Variants in ABL2 observed in about 807,000 individuals in gnomAD.
ABL2 encodes the protein tyrosine-protein kinase ABL2.
Under a neutral mutation model 107.7 loss-of-function variants are expected in ABL2, and 49 were observed. The observed-to-expected ratio is 0.45, with a 90% CI of 0.36 to 0.58. The LOEUF is 0.58. Among genes scored for constraint, ABL2 ranks in the 20% least tolerant of loss-of-function variants. The pLI, the probability that ABL2 is intolerant of heterozygous loss-of-function variation, is 0.00. For missense variants in ABL2, 1,245 were observed against 1,457.0 expected (o/e 0.85, Z 2.37); for synonymous variants, 549 against 548.6 (o/e 1.00, Z -0.01).
At chr1:179,152,234 C>T (rs1658406366) in intron 1 of ABL2, among the ~76,000 whole-genome samples, 1 of 152,118 alleles carries the variant, frequency 6.6e-6, no homozygotes, top group Admixed American at 6.5e-5. Context: ...CACCTTTGTC[C>T]CTAACTTGGA....
intron 1 of ABL2, chr1:179,201,972 G>A (rs1661697474): frequency 9.0e-7 from 1 of 1,108,220 alleles, no homozygotes. Flanking sequence ...AATCTCAGGG[G>A]TCCGAGGAAC....
chr1:179,181,946 A>ATTTTTTTTTTTTTTTTTTTTTTTTTTTT (rs34828452), intron 1 of ABL2, among the ~76,000 whole-genome samples: 1 of 91,208 alleles, frequency 1.1e-5, no homozygotes, highest in Non-Finnish European at 2.1e-5. Flanking sequence ...AGGCCCGGCT[A>ATTTTTTTTTTTTTTTTTTTTTTTTTTTT]TTTTTTTTTT....
At chr1:179,122,326 G>C (rs1381080294) in intron 4 of ABL2, among the ~76,000 whole-genome samples, 4 of 146,996 alleles carry the variant, frequency 2.7e-5, no homozygotes, top group African/African-American at 1.0e-4. Flanking sequence ...TCTCACTATT[G>C]CCCAGGCAGG....
At chr1:179,124,101 C>T (rs1235567288) in intron 4 of ABL2, among the ~76,000 whole-genome samples, 2 of 151,820 alleles carry the variant, frequency 1.3e-5, no homozygotes, top group African/African-American at 4.8e-5. Flanking sequence ...ATTAGCCGGG[C>T]GTGGTGGTGG....
chr1:179,135,760 C>T (rs1292760745), intron 1 of ABL2, among the ~76,000 whole-genome samples: 12 of 144,130 alleles, frequency 8.3e-5, no homozygotes, highest in East Asian at 2.2e-4. Flanking sequence ...CCAGCTGCCC[C>T]GTCCGGGAGG....
chr1:179,207,182 T>G (rs1018402143), intron 1 of ABL2, among the ~76,000 whole-genome samples: 2 of 151,434 alleles, frequency 1.3e-5, no homozygotes, highest in Admixed American at 6.6e-5. Context: ...TTTTTTTTTT[T>G]GTTAGGGCCT....
rs77786379 is a variant in ABL2 at position 179,169,935 on chromosome 1, G to A, written c.158-36561C>T. 4.0e-4 allele frequency among the ~76,000 whole-genome samples: 61 copies of A among 152,156 alleles called. No individual in the cohort carries two copies. In the East Asian group the frequency reaches 0.011, roughly 27 times the overall value. On this transcript the variant is annotated intron_variant, in intron 1 of 11. Transcript: ENST00000502732. ...TCCCAGCTACTCGGGAGGCTGAAGT[G>A]GCAGGAGCTTGAGTCCAGGATTTTA... is the stretch of plus-strand genomic sequence containing the variant.
intron 8 of ABL2, among the ~76,000 whole-genome samples, chr1:179,115,517 T>A (rs1654534482): frequency 1.3e-5 from 2 of 152,320 alleles, no homozygotes. Flanking sequence ...TCTCAAGCCA[T>A]GCTTCTCCTT....
chr1:179,134,208 AAAC>A (rs1442031927), intron 1 of ABL2, among the ~76,000 whole-genome samples: 1 of 152,350 alleles, frequency 6.6e-6, no homozygotes, highest in African/African-American at 2.4e-5. Context: ...AAGTGACAGG[AAAC>A]AACATGTATC....
At chr1:179,112,756 ATTTT>A (rs747910142) in intron 9 of ABL2, among the ~76,000 whole-genome samples, 1 of 134,640 alleles carries the variant, frequency 7.4e-6, no homozygotes, top group Non-Finnish European at 1.6e-5. Context: ...CGCCCAGCTA[ATTTT>A]TTTTTTTTTT....
intron 10 of ABL2, chr1:179,110,710 C>A: frequency 6.2e-7 from 1 of 1,605,208 alleles, no homozygotes; most frequent in Non-Finnish European, 8.5e-7. Context: ...ATACCACAAT[C>A]CACCTGTTCT....
chr1:179,134,715 TCCC>T (rs1656675369), intron 1 of ABL2, among the ~76,000 whole-genome samples: 1 of 59,492 alleles, frequency 1.7e-5, no homozygotes, highest in Non-Finnish European at 4.1e-5. Context: ...CCTCAGCCTC[TCCC>T]TCTCCCTCTC....
intron 3 of ABL2, among the ~76,000 whole-genome samples, chr1:179,129,779 A>G (rs772555625): frequency 6.6e-6 from 1 of 151,932 alleles, no homozygotes; most frequent in Non-Finnish European, 1.5e-5. Flanking sequence ...CCCCACATAC[A>G]TAACATGTAT....
At chr1:179,210,503 C>CAAAAAAAAAAAAAAAA (rs113814284) in intron 1 of ABL2, among the ~76,000 whole-genome samples, 1 of 94,102 alleles carries the variant, frequency 1.1e-5, no homozygotes, top group Non-Finnish European at 2.0e-5. Context: ...CTCTAACTCA[C>CAAAAAAAAAAAAAAAA]AAAAAAAAAA....
At position 179,124,276 on chromosome 1, in the gene ABL2, G is replaced by A. The variant is rs527986793; in HGVS notation, c.687+2101C>T. ...AAAAAAAAGAAGCTTTTGTTTTAGTGTATAAAGTATCAATTCATAAACAGA... is the reference window on the plus strand; with the variant it reads ...AAAAAAAAGAAGCTTTTGTTTTAGTATATAAAGTATCAATTCATAAACAGA... On this transcript the variant is annotated intron_variant, in intron 4 of 11. Transcript: ENST00000502732. 2.3e-4 allele frequency among the ~76,000 whole-genome samples: 35 copies of A among 151,398 alleles called. No homozygotes were observed. The South Asian group carries it at 6.7e-3, about 29-fold the overall frequency.
intron 1 of ABL2, among the ~76,000 whole-genome samples, chr1:179,144,847 G>A (rs1045219046): frequency 6.6e-5 from 10 of 151,786 alleles, no homozygotes; most frequent in Non-Finnish European, 1.0e-4. Flanking sequence ...CTCATTCTCC[G>A]GATTATAGAA....
intron 1 of ABL2, among the ~76,000 whole-genome samples, chr1:179,216,347 CA>C (rs1289851691): frequency 6.6e-6 from 1 of 152,156 alleles, no homozygotes; most frequent in African/African-American, 2.4e-5. Context: ...AGTATAATGA[CA>C]ACAAATTTAC....
At chr1:179,124,245 GA>G (rs1300133800) in intron 4 of ABL2, among the ~76,000 whole-genome samples, 6,151 of 126,966 alleles carry the variant, frequency 0.048, 297 homozygotes, top group African/African-American at 0.13. Flanking sequence ...CATCTCAAAA[GA>G]AAAAAAAAAA....
Position 179,195,130 on chromosome 1 carries a change from C to T in ABL2, c.157+34111G>A, listed in dbSNP as rs554977160. 2.6e-5 allele frequency among the ~76,000 whole-genome samples: 4 copies of T among 151,976 alleles called. No homozygotes were observed. In the East Asian group the frequency reaches 7.8e-4, roughly 29 times the overall value. ...AGGTGAAACCCCATCTCTACTAAAA[C>T]TACAAAACTTACCCGGGCATGGCAG... On this transcript the variant is annotated intron_variant, in intron 1 of 11. Transcript: ENST00000502732.
Sources: allele counts gnomAD v4.1 joint callset (sites outside exome capture counted in the v4.1 genomes callset), GRCh38; gene constraint gnomAD v4.1.1; transcripts MANE v1.5; gene names NCBI Gene and HGNC (gene_info 2026-07-23, HGNC 2026-07-21).